The following OR14J1 variants were observed in gnomAD, a reference collection of about 807,000 sequenced individuals.
OR14J1 encodes olfactory receptor family 14 subfamily J member 1.
For missense variants in OR14J1, 378 were observed against 393.4 expected (o/e 0.96, Z 0.33); for synonymous variants, 140 against 146.7 (o/e 0.95, Z 0.33).
chr6:29,306,925 C>G lies in OR14J1; in HGVS notation c.236C>G (p.Ser79Cys). ...LCFISVTVPQ[S>C]IANSLMGNGY... ...TTCATCTCTGTCACAGTCCCCCAGT[C>G]CATTGCAAATTCACTTATGGGCAAC... is the stretch of plus-strand genomic sequence containing the variant. Residue 79 changes from serine (S) to cysteine (C), a missense_variant, in exon 2 of 2, where the codon TCC becomes TGC. Coordinates refer to ENST00000641895, the MANE Select transcript of OR14J1 (RefSeq NM_030946.2). 1 of 1,613,080 alleles carries G rather than the reference C, an allele frequency of 6.2e-7. No individual in the cohort carries two copies. The highest frequency in any genetic ancestry group is 8.5e-7 in the Non-Finnish European group (1 of 1,180,016).
chr6:29,306,651 T>A lies in OR14J1; in HGVS notation c.-28-11T>A. On this transcript the variant is annotated splice_polypyrimidine_tract_variant and intron_variant, in intron 1 of 1. Coordinates refer to ENST00000641895, the MANE Select transcript of OR14J1 (RefSeq NM_030946.2). ...GCATTTTCTTCCTACTGTCTTTGGC[T>A]TCCTAAACAGAGTCACACTTGGTAT... 7.3e-7 allele frequency: 1 copy of A among 1,363,234 alleles called. No homozygotes were observed. The highest frequency in any genetic ancestry group is 1.0e-6 in the Non-Finnish European group (1 of 967,706). The allele number at this position is 1,363,234 out of a possible 1,614,324, so 84.4% of individuals were successfully genotyped here.
Position 29,307,621 on chromosome 6 carries a change from GA to G in OR14J1, c.937del (p.Met313CysfsTer3). On this transcript the variant is annotated frameshift_variant, in exon 2 of 2. Coordinates refer to ENST00000641895, the MANE Select transcript of OR14J1 (RefSeq NM_030946.2). LOFTEE classifies it high-confidence loss of function. The stretch of plus-strand genomic sequence containing the variant: ...CTGTCAAAGGAAGAGCTTCCTCAGA[GA>G]AAAATGTGCTTAAAAGCCATGTTTA... Reference protein sequence around the residue: ...KMLSKEELPQRKMCLKAMFKL With the variant: ...KMLSKEELPQXKMCLKAMFKL 1 of 1,602,512 alleles carries G rather than the reference GA, an allele frequency of 6.2e-7. No homozygotes were observed. Among genetic ancestry groups the G allele is most frequent in the Non-Finnish European group, 8.5e-7 (1 of 1,178,482 alleles).
chr6:29,303,726 CT>C (rs1218390773), intron 1 of OR14J1, among the ~76,000 whole-genome samples: 2 of 150,440 alleles, frequency 1.3e-5, no homozygotes, highest in Non-Finnish European at 3.0e-5. Context: ...ATCTATCTAT[CT>C]ATCTATCATC....
chr6:29,305,579 GA>G (rs751427500), intron 1 of OR14J1, among the ~76,000 whole-genome samples: 33 of 151,124 alleles, frequency 2.2e-4, no homozygotes, highest in African/African-American at 3.4e-4. Context: ...GATTTAAAAA[GA>G]AAAAAAAGAG....
chr6:29,306,359 T>C (rs3117427), intron 1 of OR14J1, among the ~76,000 whole-genome samples: 11,797 of 152,188 alleles, frequency 0.078, 557 homozygotes, highest in African/African-American at 0.1. Context: ...TGTAATGAGA[T>C]TGGTATGCTA....
rs1775372034 is a variant in OR14J1, at chr6:29,309,704, CG to C, written c.*2053del. ...TTATTTTAAAAAGTGTCTGTCAGGC[CG>C]GGGCATTGGCTCATGCCTGTAATCC... is the stretch of plus-strand genomic sequence containing the variant. On this transcript the variant is annotated 3_prime_UTR_variant, in exon 2 of 2. Transcript: ENST00000641895. 1 of 151,964 alleles carries C rather than the reference CG, an allele frequency of 6.6e-6. No individual in the cohort carries two copies. The highest frequency in any genetic ancestry group is 1.5e-5 in the Non-Finnish European group (1 of 67,962). 9.4% of individuals were successfully genotyped at this position (151,964 alleles called of 1,614,324 possible).
intron 1 of OR14J1, among the ~76,000 whole-genome samples, chr6:29,304,375 T>C (rs1254715579): frequency 3.9e-5 from 6 of 152,178 alleles, no homozygotes; most frequent in Admixed American, 3.9e-4. Context: ...TACAAGTGGT[T>C]AGTGAAGACA....
At chr6:29,306,465 T>C (rs1775090269) in intron 1 of OR14J1, among the ~76,000 whole-genome samples, 197 bp from the exon 2 acceptor site, 1 of 152,232 alleles carries the variant, frequency 6.6e-6, no homozygotes, top group South Asian at 2.1e-4. Flanking sequence ...AGAAAATGTT[T>C]ATGACTTGTT....
chr6:29,303,688 C>CTCCA (rs1774862949), intron 1 of OR14J1, among the ~76,000 whole-genome samples: 1 of 148,962 alleles, frequency 6.7e-6, no homozygotes, highest in East Asian at 2.0e-4. Context: ...TTAAGATTAT[C>CTCCA]TCTATCTATC....
At position 29,307,582 on chromosome 6, in the gene OR14J1, C is replaced by G. The variant is rs1462872953; in HGVS notation, c.893C>G (p.Ala298Gly). 1.9e-6 allele frequency: 3 copies of G among 1,611,714 alleles called. No homozygotes were observed. Among genetic ancestry groups the G allele is most frequent in the African/African-American group, 2.7e-5 (2 of 74,892 alleles). ...TTACGGAATGATTCCATGAAGGCAG[C>G]ACTGAGGAAGATGCTGTCAAAGGAA... The part of the protein sequence containing the change: ...YSLRNDSMKA[A>G]LRKMLSKEEL... The change falls in exon 2 of 2, where the codon GCA becomes GGA. Residue 298 changes from alanine to glycine, a missense_variant. By Grantham distance (60) the Ala-to-Gly change is moderately conservative (BLOSUM62 0). Transcript: ENST00000641895.
rs1384851617 is a variant in OR14J1 at position 29,307,802 on chromosome 6, A to G, written c.*147A>G. 3 of 531,194 alleles carry G rather than the reference A, an allele frequency of 5.6e-6. No homozygotes were observed. The Admixed American group carries it at 1.1e-4, about 19-fold the overall frequency. 32.9% of individuals were successfully genotyped at this position (531,194 alleles called of 1,614,324 possible). On this transcript the variant is annotated 3_prime_UTR_variant, in exon 2 of 2. Coordinates refer to ENST00000641895, the MANE Select transcript of OR14J1 (RefSeq NM_030946.2). ...TTTAAAATTTAAGATGTTGTGCTCT[A>G]ATAATATTAGCTTTCCTTCCTCCCT...
rs776530256 is a variant in OR14J1 at position 29,307,572 on chromosome 6, A to T, written c.883A>T (p.Met295Leu). 1 of 1,612,554 alleles carries T rather than the reference A, an allele frequency of 6.2e-7. No homozygotes were observed. Among genetic ancestry groups the T allele is most frequent in the South Asian group, 1.1e-5 (1 of 91,086 alleles). The change falls in exon 2 of 2, where the codon ATG (methionine) becomes TTG (leucine). Residue 295 changes from methionine (M) to leucine (L), a missense_variant. Coordinates refer to ENST00000641895, the MANE Select transcript of OR14J1 (RefSeq NM_030946.2). ...PVIYSLRNDS[M>L]KAALRKMLSK... ...CATTTATAGCTTACGGAATGATTCC[A>T]TGAAGGCAGCACTGAGGAAGATGCT...
At chr6:29,304,498 G>T (rs1274395441) in intron 1 of OR14J1, among the ~76,000 whole-genome samples, 1 of 152,124 alleles carries the variant, frequency 6.6e-6, no homozygotes, top group East Asian at 1.9e-4. Context: ...GACTTGGAAG[G>T]ATTGAACACA....
Position 29,306,693 on chromosome 6 carries a change from G to A in OR14J1, c.4G>A (p.Val2Ile). Reference protein sequence around the residue: MVNLTSMSGFLL... With the variant: MINLTSMSGFLL... ...ACTTGGTATCTTCAGAGAGACTATGGTCAATTTGACTTCAATGAGTGGATT... is the reference window on the plus strand; with the variant it reads ...ACTTGGTATCTTCAGAGAGACTATGATCAATTTGACTTCAATGAGTGGATT... The change falls in exon 2 of 2, where the codon GTC (valine) becomes ATC (isoleucine). Residue 2 changes from valine to isoleucine, a missense_variant. Transcript: ENST00000641895. The A allele has an allele frequency of 6.2e-7, 1 of 1,606,290 alleles. No homozygotes were observed. The highest frequency in any genetic ancestry group is 8.5e-7 in the Non-Finnish European group (1 of 1,174,452).
At position 29,309,728 on chromosome 6, in the gene OR14J1, T is replaced by A. The variant is rs1413832955; in HGVS notation, c.*2073T>A. On this transcript the variant is annotated 3_prime_UTR_variant, in exon 2 of 2. Transcript: ENST00000641895. Reference sequence around the variant, plus strand: ...CCGGGGCATTGGCTCATGCCTGTAATCCCAGCATTTTAGGGGGCCGCAGCA... The same window carrying A: ...CCGGGGCATTGGCTCATGCCTGTAAACCCAGCATTTTAGGGGGCCGCAGCA... 1 of 152,196 alleles carries A rather than the reference T, an allele frequency of 6.6e-6. No individual in the cohort carries two copies. The highest frequency in any genetic ancestry group is 1.5e-5 in the Non-Finnish European group (1 of 68,034). 9.4% of individuals were successfully genotyped at this position (152,196 alleles called of 1,614,324 possible).
intron 1 of OR14J1, among the ~76,000 whole-genome samples, chr6:29,304,211 G>A (rs1408104989): frequency 6.6e-6 from 1 of 152,162 alleles, no homozygotes; most frequent in Non-Finnish European, 1.5e-5. Context: ...CTTTAGAGCA[G>A]CTACTGGAAT....
intron 1 of OR14J1, among the ~76,000 whole-genome samples, chr6:29,304,621 T>C (rs764506718): frequency 1.1e-4 from 17 of 152,194 alleles, no homozygotes; most frequent in Non-Finnish European, 2.5e-4. Context: ...AATTTGGAAC[T>C]AGTGAAATTA....
rs774540146 is a variant in OR14J1 at position 29,307,471 on chromosome 6, C to T, written c.782C>T (p.Pro261Leu). The T allele has an allele frequency of 1.2e-6, 2 of 1,613,048 alleles. No individual in the cohort carries two copies. The highest frequency in any genetic ancestry group is 1.7e-6 in the Non-Finnish European group (2 of 1,180,030). Reference protein sequence around the residue: ...SAAGFEFLRLPSDSSSTVDLV... With the variant: ...SAAGFEFLRLLSDSSSTVDLV... ...GCAGGCTTTGAGTTTCTCAGACTGC[C>T]TTCTGATTCCTCATCGACTGTGGAC... Residue 261 changes from proline (P) to leucine (L), a missense_variant, in exon 2 of 2, where the codon CCT becomes CTT. Transcript: ENST00000641895.
chr6:29,303,727 T>TGTCTATC, intron 1 of OR14J1, among the ~76,000 whole-genome samples: 1 of 150,230 alleles, frequency 6.7e-6, no homozygotes. Flanking sequence ...TCTATCTATC[T>TGTCTATC]ATCTATCATC....
Sources: allele counts gnomAD v4.1 joint callset (sites outside exome capture counted in the v4.1 genomes callset), GRCh38; gene constraint gnomAD v4.1.1; transcripts MANE v1.5; gene names NCBI Gene and HGNC (gene_info 2026-07-23, HGNC 2026-07-21).